Variants in APP observed in about 807,000 individuals in gnomAD.
The protein encoded by APP is amyloid beta precursor protein.
In APP, 31 loss-of-function variants were observed where a neutral mutation model predicts 101.4. That is an observed-to-expected ratio of 0.31 (90% CI 0.23 to 0.41). The LOEUF is 0.41. APP is among the 10% of genes least tolerant of loss of function. The pLI, the probability that APP is intolerant of heterozygous loss-of-function variation, is 1.00. For missense variants in APP, 839 were observed against 1,003.7 expected (o/e 0.84, Z 2.22); for synonymous variants, 366 against 364.4 (o/e 1.00, Z -0.05).
intron 6 of APP, among the ~76,000 whole-genome samples, chr21:26,019,895 G>A (rs1317099727): frequency 6.6e-6 from 1 of 152,340 alleles, no homozygotes; most frequent in East Asian, 1.9e-4. Context: ...AAAACACCCT[G>A]AGAAAGCATG....
At chr21:26,025,902 G>A (rs114056940) in intron 5 of APP, among the ~76,000 whole-genome samples, 1,796 of 152,216 alleles carry the variant, frequency 0.012, 37 homozygotes, top group African/African-American at 0.04. Context: ...AAGAGCACAC[G>A]GTTTTGTTTG....
chr21:25,966,199 T>C (rs1159716701), intron 11 of APP, among the ~76,000 whole-genome samples: 1 of 152,228 alleles, frequency 6.6e-6, no homozygotes, highest in Non-Finnish European at 1.5e-5. Flanking sequence ...GTAATAGTAC[T>C]GAGTGGCTTT....
intron 13 of APP, among the ~76,000 whole-genome samples, chr21:25,940,387 A>C (rs1245356252): frequency 6.6e-6 from 1 of 152,188 alleles, no homozygotes; most frequent in Non-Finnish European, 1.5e-5. Flanking sequence ...GTAGACCCAA[A>C]TAGTCTAAAA....
At chr21:26,036,893 A>G (rs2045137259) in intron 5 of APP, among the ~76,000 whole-genome samples, 1 of 152,214 alleles carries the variant, frequency 6.6e-6, no homozygotes, top group Non-Finnish European at 1.5e-5. Flanking sequence ...TCCCATATTT[A>G]CTGCAGCACT....
intron 2 of APP, among the ~76,000 whole-genome samples, chr21:26,094,853 AT>A (rs929549807): frequency 2.5e-4 from 38 of 149,046 alleles, no homozygotes; most frequent in East Asian, 7.8e-4. Context: ...TAATTAATTT[AT>A]TTTTTTTTTG....
chr21:25,974,430 G>A (rs1007026032), intron 11 of APP, among the ~76,000 whole-genome samples: 3 of 152,108 alleles, frequency 2.0e-5, no homozygotes, highest in Non-Finnish European at 4.4e-5. Flanking sequence ...AGGCATGAGG[G>A]CAGAGCCTTC....
At chr21:25,981,245 G>C (rs968532016) in intron 9 of APP, among the ~76,000 whole-genome samples, 1 of 152,196 alleles carries the variant, frequency 6.6e-6, no homozygotes, top group Non-Finnish European at 1.5e-5. Context: ...TGTGATCTTA[G>C]AAAATACGCA....
chr21:26,120,155 C>T (rs2062533925), intron 1 of APP, among the ~76,000 whole-genome samples: 2 of 152,152 alleles, frequency 1.3e-5, no homozygotes, highest in Admixed American at 6.5e-5. Flanking sequence ...GAGTTTGTGG[C>T]TTTGCAGCAT....
At chr21:26,046,440 A>G (rs2045613352) in intron 5 of APP, among the ~76,000 whole-genome samples, 1 of 151,890 alleles carries the variant, frequency 6.6e-6, no homozygotes, top group Admixed American at 6.6e-5. Flanking sequence ...AAAAGAAAAA[A>G]AAAAACTCTT....
intron 6 of APP, among the ~76,000 whole-genome samples, chr21:26,016,437 G>A (rs1056487679): frequency 2.6e-5 from 4 of 152,176 alleles, no homozygotes; most frequent in Admixed American, 6.5e-5. Flanking sequence ...GGGAACACAG[G>A]TTGAAATGAA....
intron 3 of APP, among the ~76,000 whole-genome samples, chr21:26,056,251 T>C (rs1568919487): frequency 6.6e-6 from 1 of 152,170 alleles, no homozygotes; most frequent in Non-Finnish European, 1.5e-5. Flanking sequence ...TTGCCCAGGC[T>C]GGTCTCGAAC....
intron 5 of APP, among the ~76,000 whole-genome samples, chr21:26,046,991 G>C (rs1007706625): frequency 6.6e-6 from 1 of 152,082 alleles, no homozygotes; most frequent in Non-Finnish European, 1.5e-5. Flanking sequence ...TAACAGTCTG[G>C]ATTATGCTAC....
intron 17 of APP, among the ~76,000 whole-genome samples, chr21:25,890,809 G>A (rs905757768): frequency 4.0e-5 from 6 of 151,218 alleles, no homozygotes; most frequent in South Asian, 2.1e-4. Flanking sequence ...CTTCTGTCTC[G>A]GCCTCAGTTC....
intron 3 of APP, among the ~76,000 whole-genome samples, chr21:26,070,467 G>A (rs1334895576): frequency 6.6e-6 from 1 of 152,100 alleles, no homozygotes; most frequent in Non-Finnish European, 1.5e-5. Flanking sequence ...GGAGAATTTT[G>A]AACCATTTCT....
chr21:26,143,987 T>C (rs1201878342), intron 1 of APP, among the ~76,000 whole-genome samples: 2 of 152,170 alleles, frequency 1.3e-5, no homozygotes, highest in Non-Finnish European at 2.9e-5. Context: ...AAGAAACAGG[T>C]TGAACTGACT....
At chr21:26,118,554 G>C (rs1329685923) in intron 1 of APP, among the ~76,000 whole-genome samples, 1 of 152,032 alleles carries the variant, frequency 6.6e-6, no homozygotes, top group Non-Finnish European at 1.5e-5. Context: ...TGTGTCTTTT[G>C]TTTTGTTTCG....
intron 1 of APP, among the ~76,000 whole-genome samples, chr21:26,119,823 G>A (rs1305144373): frequency 6.6e-6 from 1 of 152,296 alleles, no homozygotes. Flanking sequence ...GGAGGACTTG[G>A]TAACTGGGCT....
At chr21:26,086,218 T>C (rs1791790722) in intron 3 of APP, among the ~76,000 whole-genome samples, 1 of 152,206 alleles carries the variant, frequency 6.6e-6, no homozygotes, top group South Asian at 2.1e-4. Flanking sequence ...AATGTTCACA[T>C]GATTAAGATG....
At chr21:25,966,014 G>T (rs995978658) in intron 11 of APP, among the ~76,000 whole-genome samples, 2 of 152,156 alleles carry the variant, frequency 1.3e-5, no homozygotes, top group Admixed American at 1.3e-4. Flanking sequence ...TCTGGGTGAT[G>T]AATATGGCCT....
Sources: gnomAD v4.1 joint callset for allele counts (sites outside exome capture counted in the v4.1 genomes callset) on GRCh38, gnomAD v4.1.1 for gene constraint, MANE v1.5 for transcripts, NCBI Gene and HGNC (gene_info 2026-07-23, HGNC 2026-07-21) for gene names.